PHTF2: variants seen among roughly 807,000 people sequenced by gnomAD.
PHTF2 encodes protein PHTF2.
In PHTF2, 60 loss-of-function variants were observed where a neutral mutation model predicts 101.2. That is an observed-to-expected ratio of 0.59 (90% CI 0.48 to 0.73). PHTF2 has a LOEUF of 0.73. Ranked by LOEUF, PHTF2 falls within the 30% of genes least tolerant of loss-of-function variation. PHTF2 has a pLI of 0.00. For synonymous variants in PHTF2, 311 were observed against 307.3 expected (o/e 1.01, Z -0.13); for missense variants, 747 against 908.7 (o/e 0.82, Z 2.29).
intron 1 of PHTF2, among the ~76,000 whole-genome samples, chr7:77,822,254 C>T (rs759085958): frequency 2.0e-5 from 3 of 152,096 alleles, no homozygotes; most frequent in Admixed American, 6.5e-5. Flanking sequence ...GAGTCACAGC[C>T]GATCCTGGGC....
Position 77,910,658 on chromosome 7 carries a change from T to C in PHTF2, c.776+249T>C, listed in dbSNP as rs190046149. 1.6e-3 allele frequency among the ~76,000 whole-genome samples: 240 copies of C among 152,290 alleles called. 1 individual carries two copies. The highest frequency in any genetic ancestry group is 5.7e-3 in the African/African-American group (237 of 41,566). On this transcript the variant is annotated intron_variant, in intron 9 of 19. Transcript: ENST00000416283. ...ATTTAGCTAGGATTTCCTTTTTTTT[T>C]TGGGACAGAGTCTGGCTCTGTTGCC...
intron 1 of PHTF2, among the ~76,000 whole-genome samples, chr7:77,829,157 G>T (rs542670224): frequency 6.6e-6 from 1 of 152,198 alleles, no homozygotes; most frequent in Non-Finnish European, 1.5e-5. Flanking sequence ...CTCCAGCCTA[G>T]GTGGCAGAGT....
At chr7:77,867,673 G>A (rs1009119105) in intron 3 of PHTF2, among the ~76,000 whole-genome samples, 20 of 152,110 alleles carry the variant, frequency 1.3e-4, no homozygotes, top group African/African-American at 4.8e-4. Context: ...TGGGGGAAAG[G>A]GCGCAGCTAA....
chr7:77,800,396 G>A (rs766848575), intron 1 of PHTF2, among the ~76,000 whole-genome samples: 1 of 152,222 alleles, frequency 6.6e-6, no homozygotes, highest in Non-Finnish European at 1.5e-5. Flanking sequence ...CAGACTGGCT[G>A]TCTGAATGCA....
chr7:77,850,193 T>TA (rs1480886373), intron 2 of PHTF2, among the ~76,000 whole-genome samples: 26 of 136,088 alleles, frequency 1.9e-4, no homozygotes, highest in African/African-American at 3.0e-4. Flanking sequence ...TCTACAAAAT[T>TA]TAAAAAAAAA....
At chr7:77,934,456 G>A (rs916645975) in intron 12 of PHTF2, among the ~76,000 whole-genome samples, 11 of 152,158 alleles carry the variant, frequency 7.2e-5, no homozygotes, top group African/African-American at 2.7e-4. Flanking sequence ...TATGTGGTTG[G>A]CATGGTGAAT....
At chr7:77,822,192 G>A (rs1472527574) in intron 1 of PHTF2, among the ~76,000 whole-genome samples, 2 of 152,230 alleles carry the variant, frequency 1.3e-5, no homozygotes, top group Non-Finnish European at 2.9e-5. Context: ...TGGCAGCAGA[G>A]TGTTGGGGAG....
At chr7:77,952,416 C>G (rs976200741) in intron 18 of PHTF2, among the ~76,000 whole-genome samples, 5 of 152,092 alleles carry the variant, frequency 3.3e-5, no homozygotes, top group African/African-American at 1.2e-4. Flanking sequence ...TGGGTATAGA[C>G]TATGCACCAC....
chr7:77,799,482 C>A (rs1009131160), intron 1 of PHTF2, among the ~76,000 whole-genome samples: 1 of 152,222 alleles, frequency 6.6e-6, no homozygotes, highest in African/African-American at 2.4e-5. Context: ...AGGGTCGCTG[C>A]CCTGCCCCCT....
At chr7:77,937,661 A>AAAAT (rs1416220392) in intron 12 of PHTF2, 49 bp from the exon 12 acceptor site, 14 of 704,024 alleles carry the variant, frequency 2.0e-5, no homozygotes, top group Non-Finnish European at 2.9e-5. Flanking sequence ...CACACATTTT[A>AAAAT]TTTATTAAAT....
At chr7:77,948,964 A>G (rs1416430611) in intron 16 of PHTF2, among the ~76,000 whole-genome samples, 1 of 152,230 alleles carries the variant, frequency 6.6e-6, no homozygotes, top group Non-Finnish European at 1.5e-5. Context: ...TGTGCGTACA[A>G]GGAAACACAT....
rs114660265 is a variant in PHTF2, at chr7:77,926,704, C to T, written c.1120-2405C>T. Among the ~76,000 whole-genome samples the T allele has an allele frequency of 4.7e-3, 709 of 152,170 alleles. 9 individuals carry two copies. Among genetic ancestry groups the T allele is most frequent in the African/African-American group, 0.016 (666 of 41,512 alleles). On this transcript the variant is annotated intron_variant, in intron 11 of 19. Transcript: ENST00000416283. ...AATATTGGCCGCACATTCAGTGGCT[C>T]ACGCCTGTAATCCCAGCACTTTGGG... is the stretch of plus-strand genomic sequence containing the variant.
chr7:77,912,936 G>A (rs1404424943), intron 9 of PHTF2, among the ~76,000 whole-genome samples: 1 of 150,884 alleles, frequency 6.6e-6, no homozygotes, highest in Non-Finnish European at 1.5e-5. Flanking sequence ...TTTATAAGTT[G>A]GAAAGGTACT....
At chr7:77,920,884 C>T (rs1291320061) in intron 10 of PHTF2, among the ~76,000 whole-genome samples, 3 of 152,068 alleles carry the variant, frequency 2.0e-5, no homozygotes, top group Admixed American at 6.6e-5. Context: ...AGGGCTTAGC[C>T]ATGTTGCCCA....
intron 1 of PHTF2, among the ~76,000 whole-genome samples, chr7:77,822,661 G>A (rs1009985691): frequency 5.3e-5 from 8 of 152,114 alleles, no homozygotes; most frequent in Non-Finnish European, 1.0e-4. Context: ...CTGACTCTGG[G>A]CTGATCCAGT....
chr7:77,922,825 G>T, intron 11 of PHTF2, 47 bp downstream of exon 10: 3 of 1,316,694 alleles, frequency 2.3e-6, no homozygotes, highest in South Asian at 1.5e-5. Context: ...TATTTTATAT[G>T]TTACTAATTT....
intron 3 of PHTF2, among the ~76,000 whole-genome samples, chr7:77,875,578 C>G (rs138967890): frequency 8.7e-4 from 132 of 151,360 alleles, no homozygotes; most frequent in African/African-American, 3.0e-3. Context: ...ATTTTTTTGA[C>G]ATGGAGTCTC....
intron 3 of PHTF2, among the ~76,000 whole-genome samples, chr7:77,867,509 G>A (rs1018349436): frequency 2.6e-5 from 4 of 152,310 alleles, no homozygotes; most frequent in South Asian, 2.1e-4. Context: ...AAGTTAATAC[G>A]TGGAAGGGGT....
chr7:77,811,965 T>C (rs1176982871), intron 1 of PHTF2, among the ~76,000 whole-genome samples: 3 of 152,212 alleles, frequency 2.0e-5, no homozygotes, highest in Non-Finnish European at 4.4e-5. Context: ...AATAAAAAAG[T>C]GAATATAGGC....
Sources: allele counts gnomAD v4.1 joint callset (sites outside exome capture counted in the v4.1 genomes callset), GRCh38; gene constraint gnomAD v4.1.1; transcripts MANE v1.5; gene names NCBI Gene and HGNC (gene_info 2026-07-23, HGNC 2026-07-21).